Variants in ABAT observed in about 807,000 individuals in gnomAD.
ABAT encodes 4-aminobutyrate aminotransferase.
In ABAT, 45 loss-of-function variants were observed where a neutral mutation model predicts 64.6. That is an observed-to-expected ratio of 0.70 (90% CI 0.55 to 0.89). The LOEUF (loss-of-function observed/expected upper bound fraction) is 0.89, where lower values mean the gene tolerates loss of function less well. ABAT is among the 40% of genes least tolerant of loss of function. ABAT has a pLI of 0.00. For synonymous variants in ABAT, 297 were observed against 250.5 expected (o/e 1.19, Z -1.75); for missense variants, 633 against 658.4 (o/e 0.96, Z 0.42).
chr16:8,779,514 A>T lies in ABAT; in HGVS notation c.1305A>T (p.Gly435=), dbSNP rs1227688202. Residue 435 remains glycine (G), a synonymous_variant, in exon 15 of 16, where the codon GGA becomes GGT. Coordinates refer to ENST00000268251, the MANE Select transcript of ABAT (RefSeq NM_020686.6). ...CCCAGTTCATCAGCAGGGTGAGAGG[A>T]CGAGGCACCTTTTGCTCCTTCGATA... is the stretch of plus-strand genomic sequence containing the variant. ...RYPQFISRVR[G]RGTFCSFDTP... 6.2e-7 allele frequency: 1 copy of T among 1,614,050 alleles called. No individual in the cohort carries two copies. The highest frequency in any genetic ancestry group is 8.5e-7 in the Non-Finnish European group (1 of 1,180,030).
At chr16:8,728,565 A>AG (rs1596428532) in intron 1 of ABAT, among the ~76,000 whole-genome samples, 1 of 149,766 alleles carries the variant, frequency 6.7e-6, no homozygotes, top group African/African-American at 2.5e-5. Context: ...GAAAAAAAAA[A>AG]TCCATTGAGT....
intron 1 of ABAT, among the ~76,000 whole-genome samples, chr16:8,704,278 A>T (rs903562286): frequency 5.3e-5 from 8 of 152,228 alleles, no homozygotes; most frequent in African/African-American, 1.7e-4. Flanking sequence ...CGGAACACAG[A>T]TCAATTTCCA....
rs1050472188 is a variant in ABAT, at chr16:8,718,608, G to T, written c.-41-17091G>T. On this transcript the variant is annotated intron_variant, in intron 1 of 15. Coordinates refer to ENST00000268251, the MANE Select transcript of ABAT (RefSeq NM_020686.6). Reference sequence around the variant, plus strand: ...AATGGAGGGCACCCTCCAGGTACATGCTTCCCAGAGCTGGTCTCTGAGGTC... The same window carrying T: ...AATGGAGGGCACCCTCCAGGTACATTCTTCCCAGAGCTGGTCTCTGAGGTC... Among the ~76,000 whole-genome samples, 13 of 152,192 alleles carry T rather than the reference G, an allele frequency of 8.5e-5. 1 individual carries two copies. The highest frequency in any genetic ancestry group is 6.5e-4 in the Admixed American group (10 of 15,280).
chr16:8,735,251 T>G (rs188495915), intron 1 of ABAT, among the ~76,000 whole-genome samples: 9 of 151,446 alleles, frequency 5.9e-5, no homozygotes, highest in East Asian at 3.9e-4. Context: ...TTTTGTTTTG[T>G]TTTGGTTTGG....
intron 1 of ABAT, among the ~76,000 whole-genome samples, chr16:8,725,825 G>C (rs2058534958): frequency 6.6e-6 from 1 of 152,102 alleles, no homozygotes; most frequent in African/African-American, 2.4e-5. Context: ...ATTCTTAAAA[G>C]GCCATGCCAA....
At chr16:8,710,694 C>CAGAGAGAGAGAG (rs558327984) in intron 1 of ABAT, among the ~76,000 whole-genome samples, 2 of 121,948 alleles carry the variant, frequency 1.6e-5, no homozygotes, top group East Asian at 2.6e-4. Context: ...GAGAGAGAGA[C>CAGAGAGAGAGAG]AGAGAGAGAG....
intron 1 of ABAT, among the ~76,000 whole-genome samples, chr16:8,708,920 A>G (rs2058009841): frequency 6.6e-6 from 1 of 152,104 alleles, no homozygotes; most frequent in South Asian, 2.1e-4. Flanking sequence ...TTTAAGGTTT[A>G]CACTCACTTT....
intron 1 of ABAT, among the ~76,000 whole-genome samples, chr16:8,714,305 A>G (rs1037706596): frequency 6.6e-6 from 1 of 152,224 alleles, no homozygotes; most frequent in African/African-American, 2.4e-5. Flanking sequence ...TTCTAAGGAC[A>G]AGAACAGCAC....
intron 6 of ABAT, among the ~76,000 whole-genome samples, chr16:8,763,104 C>CA (rs60199249): frequency 0.011 from 1,321 of 117,534 alleles, 12 homozygotes; most frequent in African/African-American, 0.025. Flanking sequence ...GACCCTGTAA[C>CA]AAAAAAAAAA....
rs775294485 is a variant in ABAT, at chr16:8,772,935, AG to A, written c.954+20del. 2 of 1,612,960 alleles carry A rather than the reference AG, an allele frequency of 1.2e-6. No homozygotes were observed. Among genetic ancestry groups the A allele is most frequent in the East Asian group, 4.5e-5 (2 of 44,868 alleles). On this transcript the variant is annotated intron_variant, in intron 12 of 15. Coordinates refer to ENST00000268251, the MANE Select transcript of ABAT (RefSeq NM_020686.6). The stretch of plus-strand genomic sequence containing the variant: ...CCAGGAAGGTCAGTGGACAGGGCCG[AG>A]GTTGGATGGAGCCATTGGGTTTTCT...
intron 1 of ABAT, among the ~76,000 whole-genome samples, chr16:8,721,471 C>A (rs1345166323): frequency 1.3e-5 from 2 of 152,186 alleles, no homozygotes; most frequent in African/African-American, 2.4e-5. Context: ...GGGGCTTTGA[C>A]ACAAGTGTAA....
intron 1 of ABAT, chr16:8,713,040 G>A (rs1372460921): frequency 6.6e-6 from 1 of 152,210 alleles, no homozygotes; most frequent in Non-Finnish European, 1.5e-5. Flanking sequence ...GGCTACAATG[G>A]GGGAGTTGGG....
At position 8,768,255 on chromosome 16, in the gene ABAT, G is replaced by A; in HGVS notation, c.666G>A (p.Met222Ile). The change falls in exon 10 of 16, where the codon ATG (methionine) becomes ATA (isoleucine). Residue 222 changes from methionine (M) to isoleucine (I), a missense_variant and splice_region_variant. Coordinates refer to ENST00000268251, the MANE Select transcript of ABAT (RefSeq NM_020686.6). ...SFMGAFHGRT[M>I]GCLATTHSKA... The stretch of plus-strand genomic sequence containing the variant: ...TGGGCGCGTTCCATGGGAGGACCAT[G>A]GGTAAGGAGGGACCATTGCGCTCCC... 6.2e-7 allele frequency: 1 copy of A among 1,614,006 alleles called. No homozygotes were observed. Among genetic ancestry groups the A allele is most frequent in the Non-Finnish European group, 8.5e-7 (1 of 1,180,032 alleles).
chr16:8,774,584 G>A (rs543107852), intron 12 of ABAT, among the ~76,000 whole-genome samples: 3 of 152,212 alleles, frequency 2.0e-5, no homozygotes, highest in South Asian at 2.1e-4. Flanking sequence ...GTCGAGACCC[G>A]AGACTGAAGC....
intron 1 of ABAT, among the ~76,000 whole-genome samples, chr16:8,684,921 T>G (rs1208908542): frequency 6.6e-6 from 1 of 152,178 alleles, no homozygotes; most frequent in Non-Finnish European, 1.5e-5. Context: ...CAAACATGGT[T>G]GGACAAGGCA....
intron 2 of ABAT, among the ~76,000 whole-genome samples, chr16:8,737,993 A>AAGG (rs1391579868): frequency 0.02 from 910 of 45,738 alleles, 225 homozygotes; most frequent in Middle Eastern, 0.042. Context: ...AGGAAGGAGG[A>AAGG]AAGAAAGAAA....
At chr16:8,775,521 C>T (rs1183482064) in intron 13 of ABAT, among the ~76,000 whole-genome samples, 1 of 151,478 alleles carries the variant, frequency 6.6e-6, no homozygotes, top group African/African-American at 2.4e-5. Flanking sequence ...AGAGCCCATA[C>T]TCTTACCCAC....
At chr16:8,756,261 G>A (rs992468860) in intron 5 of ABAT, among the ~76,000 whole-genome samples, 19 of 152,154 alleles carry the variant, frequency 1.2e-4, no homozygotes, top group African/African-American at 4.8e-5. Context: ...TGACTTGTTA[G>A]GGGAGGCCAA....
In ABAT at chr16:8,768,264, G is replaced by A. The variant is rs2060003219; in HGVS notation, c.667+8G>A. On this transcript the variant is annotated splice_region_variant and intron_variant, in intron 10 of 15. Transcript: ENST00000268251. ...TCCATGGGAGGACCATGGGTAAGGA[G>A]GGACCATTGCGCTCCCAAGGTGGCG... is the stretch of plus-strand genomic sequence containing the variant. The A allele has an allele frequency of 6.2e-6, 10 of 1,613,738 alleles. No homozygotes were observed. Among genetic ancestry groups the A allele is most frequent in the African/African-American group, 1.3e-5 (1 of 74,918 alleles).
Sources: allele counts gnomAD v4.1 joint callset (sites outside exome capture counted in the v4.1 genomes callset), GRCh38; gene constraint gnomAD v4.1.1; transcripts MANE v1.5; gene names NCBI Gene and HGNC (gene_info 2026-07-23, HGNC 2026-07-21).